FAAH: variants seen among roughly 807,000 people sequenced by gnomAD.
The protein encoded by FAAH is fatty acid amide hydrolase.
FAAH carries 63 observed loss-of-function variants against 69.7 expected under a neutral mutation model. The ratio of observed to expected loss-of-function variants is 0.90; its 90% confidence interval spans 0.74 to 1.12. The LOEUF (loss-of-function observed/expected upper bound fraction) is 1.12, where lower values mean the gene tolerates loss of function less well. FAAH is among the 50% of genes most tolerant of loss of function. The probability of loss-of-function intolerance (pLI) is 0.00; values close to 1 mark genes in which losing one functional copy is unlikely to be tolerated. For synonymous variants in FAAH, 305 were observed against 324.2 expected (o/e 0.94, Z 0.64); for missense variants, 680 against 755.0 (o/e 0.90, Z 1.16).
At chr1:46,394,618 C>T (rs1051109497) in intron 1 of FAAH, 75 bp downstream of exon 1, 53 of 1,213,840 alleles carry the variant, frequency 4.4e-5, no homozygotes, top group Non-Finnish European at 5.1e-5. Context: ...CCGGACCCGC[C>T]GAGGGACAGG....
intron 1 of FAAH, among the ~76,000 whole-genome samples, chr1:46,397,585 G>A (rs548369826): frequency 6.6e-6 from 1 of 151,990 alleles, no homozygotes; most frequent in South Asian, 2.1e-4. Context: ...TTTTTGAGAC[G>A]GAGTCTTGCT....
chr1:46,395,281 A>G (rs1247764685), intron 1 of FAAH, among the ~76,000 whole-genome samples: 1 of 152,224 alleles, frequency 6.6e-6, no homozygotes, highest in African/African-American at 2.4e-5. Flanking sequence ...AGGGAGCCAG[A>G]AAGAAACCTG....
Position 46,404,976 on chromosome 1 carries a change from A to G in FAAH, c.310-38A>G. On this transcript the variant is annotated intron_variant, in intron 2 of 14. Coordinates refer to ENST00000243167, the MANE Select transcript of FAAH (RefSeq NM_001441.3). This position sits in a 1 kb window ranked among gnomAD's most constrained non-coding sequence, Gnocchi z 4.5. ...TTCACCACAATTTCTTAAAAAGGCCAGCCTCCTTTTATCTTATGTCTACTT... is the reference window on the plus strand; with the variant it reads ...TTCACCACAATTTCTTAAAAAGGCCGGCCTCCTTTTATCTTATGTCTACTT... 6.2e-7 allele frequency: 1 copy of G among 1,613,646 alleles called. No individual in the cohort carries two copies. The highest frequency in any genetic ancestry group is 8.5e-7 in the Non-Finnish European group (1 of 1,179,952).
intron 1 of FAAH, among the ~76,000 whole-genome samples, chr1:46,400,083 A>G (rs1664669156): frequency 2.0e-5 from 3 of 151,758 alleles, no homozygotes; most frequent in South Asian, 4.1e-4. Context: ...TAAGTACTCT[A>G]TCAGTTCAAT....
At position 46,404,251 on chromosome 1, in the gene FAAH, C is replaced by G. The variant is rs898657542; in HGVS notation, c.310-763C>G. ...CTTCTCTGTTCCTGCCTCGGGTACC[C>G]CGGGGACAGATTTTGCACATGCCTG... On this transcript the variant is annotated intron_variant, in intron 2 of 14. Coordinates refer to ENST00000243167, the MANE Select transcript of FAAH (RefSeq NM_001441.3). This position sits in a 1 kb window ranked among gnomAD's most constrained non-coding sequence, Gnocchi z 4.5. Among the ~76,000 whole-genome samples, 1 of 152,198 alleles carries G rather than the reference C, an allele frequency of 6.6e-6. No individual in the cohort carries two copies. Among genetic ancestry groups the G allele is most frequent in the African/African-American group, 2.4e-5 (1 of 41,454 alleles).
At position 46,405,471 on chromosome 1, in the gene FAAH, T is replaced by C; in HGVS notation, c.544T>C (p.Phe182Leu). The C allele has an allele frequency of 1.2e-6, 2 of 1,611,936 alleles. No individual in the cohort carries two copies. The highest frequency in any genetic ancestry group is 2.2e-5 in the South Asian group (2 of 91,004). The change falls in exon 4 of 15, where the codon TTC becomes CTC. Residue 182 changes from phenylalanine to leucine, a missense_variant. Phe to Leu is a conservative substitution (Grantham distance 22, BLOSUM62 0). Coordinates refer to ENST00000243167, the MANE Select transcript of FAAH (RefSeq NM_001441.3). The surrounding 1 kb of genome is among the most constrained non-coding windows in gnomAD (Gnocchi z 4.1). ...GCTGAAGCTGCAGGGTGCCGTGCCC[T>C]TCGTGCACACCAATGTTCCACAGTC... is the stretch of plus-strand genomic sequence containing the variant. ...HVLKLQGAVP[F>L]VHTNVPQSMF...
At chr1:46,401,920 G>C (rs558336709) in intron 1 of FAAH, among the ~76,000 whole-genome samples, 171 bp from the exon 2 acceptor site, 2 of 152,296 alleles carry the variant, frequency 1.3e-5, no homozygotes, top group South Asian at 4.1e-4. Context: ...CGGCTCGCTG[G>C]GCACCCCTTC....
intron 1 of FAAH, among the ~76,000 whole-genome samples, chr1:46,395,241 G>A (rs1243570229): frequency 6.6e-6 from 1 of 152,224 alleles, no homozygotes; most frequent in Non-Finnish European, 1.5e-5. Flanking sequence ...CTGAGTTCAA[G>A]CTTCTTGATT....
intron 1 of FAAH, among the ~76,000 whole-genome samples, chr1:46,399,548 C>T (rs528235576): frequency 5.9e-5 from 9 of 152,320 alleles, no homozygotes; most frequent in African/African-American, 1.9e-4. Context: ...TGCTAGCTGC[C>T]GTGCACAGGC....
At position 46,406,064 on chromosome 1, in the gene FAAH, A is replaced by G. The variant is rs1301635053; in HGVS notation, c.812A>G (p.Tyr271Cys). ...LSKSGLKGCV[Y>C]GQEAVRLSVG... ...AAGAGTGGCCTGAAGGGCTGTGTCTATGGACAGGAGGCAGGTGAGGTCCGT... is the reference window on the plus strand; with the variant it reads ...AAGAGTGGCCTGAAGGGCTGTGTCTGTGGACAGGAGGCAGGTGAGGTCCGT... The change falls in exon 6 of 15, where the codon TAT becomes TGT. Residue 271 changes from tyrosine (Y) to cysteine (C), a missense_variant. Coordinates refer to ENST00000243167, the MANE Select transcript of FAAH (RefSeq NM_001441.3). The G allele has an allele frequency of 2.5e-6, 4 of 1,614,126 alleles. No individual in the cohort carries two copies. The highest frequency in any genetic ancestry group is 3.4e-6 in the Non-Finnish European group (4 of 1,180,022).
intron 9 of FAAH, chr1:46,409,929 G>A (rs966958643): frequency 2.2e-5 from 4 of 179,148 alleles, no homozygotes; most frequent in Admixed American, 2.2e-4. Flanking sequence ...GGCTTCAGTG[G>A]AAGGGGTCAC....
chr1:46,413,790 A>G lies in FAAH; in HGVS notation c.*215A>G, dbSNP rs1373137597. On this transcript the variant is annotated 3_prime_UTR_variant, in exon 15 of 15. Transcript: ENST00000243167. ...TCTTCGTCCTGATCCCTCCACCCCC[A>G]TGTGGCAGCCCATGGGTATGACATA... 6.4e-6 allele frequency: 4 copies of G among 620,242 alleles called. No individual in the cohort carries two copies. The East Asian group carries it at 9.1e-5, about 14-fold the overall frequency. The allele number at this position is 620,242 out of a possible 1,614,324, so 38.4% of individuals were successfully genotyped here.
intron 12 of FAAH, 91 bp from the exon 13 acceptor site, chr1:46,412,052 C>T (rs1664925910): frequency 5.2e-6 from 6 of 1,147,830 alleles, no homozygotes; most frequent in Non-Finnish European, 7.7e-6. Context: ...GGTGCTGGGG[C>T]CAGAGCCACC....
chr1:46,412,537 C>T lies in FAAH; in HGVS notation c.1465+286C>T, dbSNP rs539264891. ...TAAATCAAGAAAATAGGGGCCAGGG[C>T]GGTGGCTCACACCTATAATCCGAGC... On this transcript the variant is annotated intron_variant, in intron 13 of 14. Coordinates refer to ENST00000243167, the MANE Select transcript of FAAH (RefSeq NM_001441.3). Among the ~76,000 whole-genome samples, 9 of 152,166 alleles carry T rather than the reference C, an allele frequency of 5.9e-5. No homozygotes were observed. The South Asian group carries it at 8.3e-4, about 14-fold the overall frequency.
chr1:46,413,545 A>G lies in FAAH; in HGVS notation c.1710A>G (p.Arg570=), dbSNP rs1399742576. Residue 570 remains arginine (R), a synonymous_variant, in exon 15 of 15, where the codon CGA becomes CGG. Transcript: ENST00000243167. The part of the protein sequence containing the change: ...LCLRFMREVE[R]LMTPEKQSS ...TGCGGTTCATGCGGGAGGTGGAGCG[A>G]CTGATGACCCCTGAAAAGCAGTCAT... 1 of 1,614,102 alleles carries G rather than the reference A, an allele frequency of 6.2e-7. No homozygotes were observed. The highest frequency in any genetic ancestry group is 8.5e-7 in the Non-Finnish European group (1 of 1,180,000).
At chr1:46,412,289 T>A in intron 13 of FAAH, 38 bp downstream of exon 13, 1 of 1,502,972 alleles carries the variant, frequency 6.7e-7, no homozygotes, top group Non-Finnish European at 9.1e-7. Context: ...TCTGTGAATC[T>A]GGCCATGTGC....
Position 46,405,165 on chromosome 1 carries a change from C to T in FAAH, c.444+17C>T, listed in dbSNP as rs781066859. 2.5e-6 allele frequency: 4 copies of T among 1,613,578 alleles called. No individual in the cohort carries two copies. Among genetic ancestry groups the T allele is most frequent in the Non-Finnish European group, 3.4e-6 (4 of 1,180,042 alleles). Reference sequence around the variant, plus strand: ...ACCTACAAGGTATGCTCTGCCTCAGCGCCAGGCCTCCATCGTCCCCTCCAT... The same window carrying T: ...ACCTACAAGGTATGCTCTGCCTCAGTGCCAGGCCTCCATCGTCCCCTCCAT... On this transcript the variant is annotated intron_variant, in intron 3 of 14. Transcript: ENST00000243167. This position sits in a 1 kb window ranked among gnomAD's most constrained non-coding sequence, Gnocchi z 4.1.
At position 46,405,862 on chromosome 1, in the gene FAAH, G is replaced by A; in HGVS notation, c.785+68G>A. The A allele has an allele frequency of 6.2e-7, 1 of 1,606,914 alleles. No individual in the cohort carries two copies. Among genetic ancestry groups the A allele is most frequent in the South Asian group, 1.1e-5 (1 of 90,586 alleles). On this transcript the variant is annotated intron_variant, in intron 5 of 14. Coordinates refer to ENST00000243167, the MANE Select transcript of FAAH (RefSeq NM_001441.3). The surrounding 1 kb of genome is among the most constrained non-coding windows in gnomAD (Gnocchi z 4.1). ...CCTTGGCCTAGCTTCCAACCTCTCT[G>A]GGCTCCAGGCGGGGATTCGGTCTCC... is the stretch of plus-strand genomic sequence containing the variant.
Position 46,411,714 on chromosome 1 carries a change from C to A in FAAH, c.1356+63C>A. On this transcript the variant is annotated intron_variant, in intron 12 of 14. Coordinates refer to ENST00000243167, the MANE Select transcript of FAAH (RefSeq NM_001441.3). This position sits in a 1 kb window ranked among gnomAD's most constrained non-coding sequence, Gnocchi z 4.8. ...GGGGAGGGTGGAGTTGGACAGGGTA[C>A]CCGCTAGCAGTGTCTCGTGGCCACT... is the stretch of plus-strand genomic sequence containing the variant. The A allele has an allele frequency of 6.3e-7, 1 of 1,587,556 alleles. No individual in the cohort carries two copies. Among genetic ancestry groups the A allele is most frequent in the Non-Finnish European group, 8.6e-7 (1 of 1,159,506 alleles).
Sources: allele counts gnomAD v4.1 joint callset (sites outside exome capture counted in the v4.1 genomes callset), GRCh38; gene constraint gnomAD v4.1.1; non-coding constraint Gnocchi (gnomAD v3.1); transcripts MANE v1.5; gene names NCBI Gene and HGNC (gene_info 2026-07-23, HGNC 2026-07-21).